UGT3A1: variants seen among roughly 807,000 people sequenced by gnomAD.
UGT3A1 encodes UDP-glycosyltransferase 3A1.
A neutral mutation model predicts 37.6 loss-of-function variants in UGT3A1; 40 were observed. The observed-to-expected ratio is 1.06, with a 90% CI of 0.83 to 1.38. The LOEUF is 1.38. Ranked by LOEUF, UGT3A1 falls within the 40% of genes most tolerant of loss-of-function variation. The pLI, the probability that UGT3A1 is intolerant of heterozygous loss-of-function variation, is 0.00. For missense variants in UGT3A1, 642 were observed against 634.2 expected (o/e 1.01, Z -0.13); for synonymous variants, 256 against 232.3 (o/e 1.10, Z -0.93).
chr5:35,988,446 A>T lies in UGT3A1; in HGVS notation c.196+4T>A, dbSNP rs1344217098. On this transcript the variant is annotated splice_donor_region_variant and intron_variant, in intron 2 of 6. Coordinates refer to ENST00000274278, the MANE Select transcript of UGT3A1 (RefSeq NM_152404.4). ...ATATAAAAATTAGTTTTTAAAAAAG[A>T]TACCTGGGATCAAAAACTTTCCACT... 1 of 1,591,458 alleles carries T rather than the reference A, an allele frequency of 6.3e-7. No individual in the cohort carries two copies. The highest frequency in any genetic ancestry group is 1.4e-5 in the African/African-American group (1 of 73,374).
intron 1 of UGT3A1, among the ~76,000 whole-genome samples, chr5:35,989,773 C>T (rs918076964): frequency 1.1e-4 from 17 of 152,166 alleles, no homozygotes; most frequent in African/African-American, 4.1e-4. Flanking sequence ...AGTTAAGAAG[C>T]TCTGTTGCTT....
intron 2 of UGT3A1, among the ~76,000 whole-genome samples, chr5:35,975,180 A>C (rs1484391706): frequency 6.6e-6 from 1 of 152,196 alleles, no homozygotes; most frequent in Non-Finnish European, 1.5e-5. Flanking sequence ...TGGTTTCATA[A>C]ACACAGTGGC....
chr5:35,998,477 CCT>C lies in UGT3A1; in HGVS notation c.-159-1150_-159-1149del, dbSNP rs1580973931. Among the ~76,000 whole-genome samples, 4 of 152,348 alleles carry C rather than the reference CCT, an allele frequency of 2.6e-5. No homozygotes were observed. The East Asian group carries it at 7.7e-4, about 29-fold the overall frequency. On this transcript the variant is annotated intron_variant, in intron 1 of 5. Transcript: ENST00000625798. Reference sequence around the variant, plus strand: ...TACTCAAGATCTGTCAGCTGGTCAGCCTCTTATAAATTTTGGCTTTTATTATC... The same window carrying C: ...TACTCAAGATCTGTCAGCTGGTCAGCCTTATAAATTTTGGCTTTTATTATC...
chr5:35,989,392 C>A (rs1200856242), intron 1 of UGT3A1, among the ~76,000 whole-genome samples: 1 of 152,142 alleles, frequency 6.6e-6, no homozygotes, highest in East Asian at 1.9e-4. Flanking sequence ...AGGTTCTCAG[C>A]AGCAGAAAAA....
At chr5:35,970,934 G>A (rs1042462016) in intron 2 of UGT3A1, among the ~76,000 whole-genome samples, 6 of 152,084 alleles carry the variant, frequency 3.9e-5, no homozygotes, top group African/African-American at 1.2e-4. Context: ...TCATACCCAT[G>A]GTTATTAAAA....
intron 2 of UGT3A1, among the ~76,000 whole-genome samples, chr5:35,986,072 T>C (rs934864551): frequency 2.0e-5 from 3 of 152,088 alleles, no homozygotes; most frequent in Non-Finnish European, 4.4e-5. Context: ...AACCAACAGA[T>C]ACATAAGAAA....
upstream of UGT3A1, among the ~76,000 whole-genome samples, chr5:35,993,374 G>A (rs1002481704): frequency 2.6e-5 from 4 of 151,858 alleles, no homozygotes; most frequent in African/African-American, 9.7e-5. Flanking sequence ...TGAGGCAGGA[G>A]AATCGCTGGA....
chr5:35,967,115 A>G (rs1461800798), intron 3 of UGT3A1, among the ~76,000 whole-genome samples: 1 of 152,186 alleles, frequency 6.6e-6, no homozygotes, highest in Non-Finnish European at 1.5e-5. Flanking sequence ...ATGTATCTGG[A>G]ACCTGTCTTC....
upstream of UGT3A1, among the ~76,000 whole-genome samples, chr5:35,993,218 C>A (rs1023178654): frequency 2.6e-5 from 4 of 152,144 alleles, no homozygotes; most frequent in Admixed American, 1.3e-4. Context: ...GTAATCCCAG[C>A]ACTTTTGGAG....
chr5:35,962,948 C>G (rs1193250314), intron 4 of UGT3A1: 1 of 702,852 alleles, frequency 1.4e-6, no homozygotes, highest in South Asian at 1.5e-5. Flanking sequence ...GCTGGTTGCC[C>G]ATTCTGAAAG....
chr5:35,982,765 C>T (rs943258205), intron 2 of UGT3A1, among the ~76,000 whole-genome samples: 8 of 152,128 alleles, frequency 5.3e-5, no homozygotes, highest in East Asian at 1.9e-4. Context: ...GGGCCAGGGG[C>T]GGAATGACAT....
Position 35,954,161 on chromosome 5 carries a change from G to C in UGT3A1, c.*41C>G. On this transcript the variant is annotated 3_prime_UTR_variant, in exon 7 of 7. Coordinates refer to ENST00000274278, the MANE Select transcript of UGT3A1 (RefSeq NM_152404.4). Reference sequence around the variant, plus strand: ...GCTGGGGTGGGGAGAACCTTCAAAGGACCAGGGATGCCCTCCCCTCACCCA... The same window carrying C: ...GCTGGGGTGGGGAGAACCTTCAAAGCACCAGGGATGCCCTCCCCTCACCCA... 6.3e-7 allele frequency: 1 copy of C among 1,594,290 alleles called. No homozygotes were observed. Among genetic ancestry groups the C allele is most frequent in the Non-Finnish European group, 8.6e-7 (1 of 1,169,014 alleles).
At chr5:35,983,677 A>G (rs1740619213) in intron 2 of UGT3A1, among the ~76,000 whole-genome samples, 1 of 152,194 alleles carries the variant, frequency 6.6e-6, no homozygotes, top group Admixed American at 6.5e-5. Context: ...AAATTCAACA[A>G]CACATTAAAA....
intron 6 of UGT3A1, chr5:35,955,283 G>A: frequency 6.8e-6 from 3 of 442,704 alleles, no homozygotes; most frequent in Non-Finnish European, 8.1e-6. Flanking sequence ...CTAGGGAGCA[G>A]CACAGACGAA....
chr5:35,975,451 T>C (rs1285851645), intron 2 of UGT3A1, among the ~76,000 whole-genome samples: 1 of 151,180 alleles, frequency 6.6e-6, no homozygotes, highest in Non-Finnish European at 1.5e-5. Flanking sequence ...TTGACTTGCT[T>C]TCCCTTCATG....
chr5:35,980,616 C>T (rs931121586), intron 2 of UGT3A1, among the ~76,000 whole-genome samples: 5 of 152,152 alleles, frequency 3.3e-5, no homozygotes, highest in Non-Finnish European at 7.3e-5. Flanking sequence ...TCTCCAAATC[C>T]CTACTCATCT....
Position 35,951,834 on chromosome 5 carries a change from T to A in UGT3A1, c.*2368A>T, listed in dbSNP as rs1739205825. 6.6e-6 allele frequency: 1 copy of A among 152,208 alleles called. No individual in the cohort carries two copies. The highest frequency in any genetic ancestry group is 1.5e-5 in the Non-Finnish European group (1 of 68,026). 9.4% of individuals were successfully genotyped at this position (152,208 alleles called of 1,614,324 possible). A position where few individuals can be genotyped will look rare whatever the true frequency, so the allele number is the denominator to read the frequency against. On this transcript the variant is annotated 3_prime_UTR_variant, in exon 7 of 7. Coordinates refer to ENST00000274278, the MANE Select transcript of UGT3A1 (RefSeq NM_152404.4). ...CATGGTATCATTTTTTGTACCTAGA[T>A]ATCTGGTGTATAGGAATTCAGTTTT...
At chr5:35,998,310 C>T (rs1297255004) in intron 1 of UGT3A1, among the ~76,000 whole-genome samples, 2 of 152,234 alleles carry the variant, frequency 1.3e-5, no homozygotes, top group African/African-American at 4.8e-5. Context: ...CAGCTGGACG[C>T]TGTGGCTCAA....
At chr5:35,985,273 C>T (rs189266475) in intron 2 of UGT3A1, among the ~76,000 whole-genome samples, 98 of 151,798 alleles carry the variant, frequency 6.5e-4, no homozygotes, top group African/African-American at 2.0e-3. Flanking sequence ...TGTTAAAATG[C>T]CAATACTACC....
Sources: allele counts gnomAD v4.1 joint callset (sites outside exome capture counted in the v4.1 genomes callset), GRCh38; gene constraint gnomAD v4.1.1; transcripts MANE v1.5; gene names NCBI Gene and HGNC (gene_info 2026-07-23, HGNC 2026-07-21).